TENM3: variants seen among roughly 807,000 people sequenced by gnomAD.
TENM3 encodes teneurin transmembrane protein 3.
Under a neutral mutation model 255.1 loss-of-function variants are expected in TENM3, and 63 were observed. That is an observed-to-expected ratio of 0.25 (90% CI 0.20 to 0.30). TENM3 has a LOEUF of 0.30. Ranked by LOEUF, TENM3 falls within the 10% of genes least tolerant of loss-of-function variation. The probability of loss-of-function intolerance (pLI) is 1.00; values close to 1 mark genes in which losing one functional copy is unlikely to be tolerated. For missense variants in TENM3, 2,929 were observed against 3,461.1 expected (o/e 0.85, Z 3.86); for synonymous variants, 1,306 against 1,322.3 (o/e 0.99, Z 0.27).
chr4:181,982,942 G>A, the TENM3 span, among the ~76,000 whole-genome samples: 1 of 152,072 alleles, frequency 6.6e-6, no homozygotes, highest in East Asian at 1.9e-4. Context: ...GTTGGGGGTC[G>A]ATAGGGTTGA....
chr4:182,071,211 G>C, the TENM3 span, among the ~76,000 whole-genome samples: 2 of 152,176 alleles, frequency 1.3e-5, no homozygotes, highest in Non-Finnish European at 2.9e-5. Flanking sequence ...ATTTGAGCCA[G>C]TGCCTGACAC....
chr4:181,628,212 C>T, the TENM3 span, among the ~76,000 whole-genome samples: 1 of 132,730 alleles, frequency 7.5e-6, no homozygotes, highest in Non-Finnish European at 1.8e-5. Flanking sequence ...TGTTTGAGTT[C>T]TTTGTAGATT....
the TENM3 span, among the ~76,000 whole-genome samples, chr4:181,619,932 T>A: frequency 6.6e-6 from 1 of 152,236 alleles, no homozygotes; most frequent in Non-Finnish European, 1.5e-5. Flanking sequence ...TTTGACATCC[T>A]AACCTGGCAA....
intron 22 of TENM3, among the ~76,000 whole-genome samples, chr4:182,771,864 A>G (rs769382392): frequency 3.3e-5 from 5 of 152,160 alleles, no homozygotes; most frequent in Non-Finnish European, 7.3e-5. Flanking sequence ...AGTCTAAACA[A>G]TGATTCCACT....
intron 6 of TENM3, among the ~76,000 whole-genome samples, chr4:182,661,523 G>A (rs758027457): frequency 1.3e-5 from 2 of 152,144 alleles, no homozygotes; most frequent in African/African-American, 4.8e-5. Flanking sequence ...ATGTGTAATA[G>A]CTCCTTAATT....
At chr4:182,404,922 C>T (rs1030914673) in intron 3 of TENM3, among the ~76,000 whole-genome samples, 5 of 152,148 alleles carry the variant, frequency 3.3e-5, no homozygotes, top group African/African-American at 1.2e-4. Flanking sequence ...CCATCATCGC[C>T]GGTCACAGCG....
intron 24 of TENM3, among the ~76,000 whole-genome samples, chr4:182,787,843 G>T (rs10006225): frequency 0.075 from 11,219 of 149,940 alleles, 1,389 homozygotes; most frequent in African/African-American, 0.26. Context: ...CAACATCATT[G>T]CTTTTTAGCT....
the TENM3 span, among the ~76,000 whole-genome samples, chr4:181,718,977 C>T: frequency 2.0e-5 from 3 of 151,850 alleles, no homozygotes; most frequent in Admixed American, 6.6e-5. Flanking sequence ...GAGGCCGAGG[C>T]GGGTGGATCA....
chr4:182,789,133 C>G lies in TENM3; in HGVS notation c.5345C>G (p.Thr1782Arg). 1.2e-6 allele frequency: 2 copies of G among 1,611,250 alleles called. No homozygotes were observed. Among genetic ancestry groups the G allele is most frequent in the Non-Finnish European group, 1.7e-6 (2 of 1,178,058 alleles). Residue 1782 changes from threonine (T) to arginine (R), a missense_variant, in exon 25 of 28, where the codon ACA becomes AGA. Thr to Arg is a moderately conservative substitution (Grantham distance 71). This residue lies in a region of TENM3 where 303 missense variants were observed against 425.2 expected (regional missense o/e 0.71). Transcript: ENST00000511685. This position sits in a 1 kb window ranked among gnomAD's most constrained non-coding sequence, Gnocchi z 4.4. ...CTCCTTTCAGTTGACTTTGATCGAA[C>G]AACAAAGACAGAAAAGATCTATGAC... ...RNLLSVDFDR[T>R]TKTEKIYDDH... is the part of the protein sequence containing the mutation.
At chr4:182,304,769 C>T (rs780994052) in intron 1 of TENM3, among the ~76,000 whole-genome samples, 15 of 152,068 alleles carry the variant, frequency 9.9e-5, no homozygotes, top group Non-Finnish European at 2.2e-4. Context: ...GAATCTGAAA[C>T]GGGAATGACA....
chr4:181,586,462 G>A, the TENM3 span, among the ~76,000 whole-genome samples: 1 of 152,122 alleles, frequency 6.6e-6, no homozygotes, highest in Non-Finnish European at 1.5e-5. Flanking sequence ...GGGAAGAGAC[G>A]ACGACCAGGC....
At chr4:182,483,356 A>G (rs1237212639) in intron 3 of TENM3, among the ~76,000 whole-genome samples, 1 of 152,160 alleles carries the variant, frequency 6.6e-6, no homozygotes, top group East Asian at 1.9e-4. Context: ...CCAGCACTTT[A>G]TGCCATATTG....
chr4:182,268,462 G>A (rs1759387791), intron 1 of TENM3, among the ~76,000 whole-genome samples: 1 of 152,064 alleles, frequency 6.6e-6, no homozygotes, highest in African/African-American at 2.4e-5. Flanking sequence ...ATAAAAGGGA[G>A]GGGGGAAATG....
chr4:181,818,607 A>G, the TENM3 span, among the ~76,000 whole-genome samples: 1 of 132,996 alleles, frequency 7.5e-6, no homozygotes, highest in Non-Finnish European at 1.6e-5. Context: ...GGTGCAGTAA[A>G]TCTCTTTTTT....
the TENM3 span, among the ~76,000 whole-genome samples, chr4:181,959,892 T>C: frequency 6.6e-6 from 1 of 152,198 alleles, no homozygotes; most frequent in African/African-American, 2.4e-5. Flanking sequence ...GCCTATATCC[T>C]AAAATAGGGG....
intron 3 of TENM3, among the ~76,000 whole-genome samples, chr4:182,402,918 A>T (rs1397702726): frequency 6.6e-6 from 1 of 152,240 alleles, no homozygotes; most frequent in Non-Finnish European, 1.5e-5. Context: ...TCTGACAAAT[A>T]TGATTTGAGA....
the TENM3 span, among the ~76,000 whole-genome samples, chr4:181,601,532 G>A: frequency 6.6e-6 from 1 of 151,908 alleles, no homozygotes. Flanking sequence ...ATGTCCTAAT[G>A]TCCTCTTCTT....
At chr4:181,711,037 G>A in the TENM3 span, among the ~76,000 whole-genome samples, 6 of 151,910 alleles carry the variant, frequency 3.9e-5, no homozygotes, top group Non-Finnish European at 5.9e-5. Flanking sequence ...CTCACCATTC[G>A]CACTAGACCT....
At chr4:182,612,027 G>A (rs1448739048) in intron 4 of TENM3, among the ~76,000 whole-genome samples, 1 of 151,956 alleles carries the variant, frequency 6.6e-6, no homozygotes, top group African/African-American at 2.4e-5. Flanking sequence ...CAGCATTTTG[G>A]GAGGTCAAGG....
Sources: allele counts gnomAD v4.1 joint callset (sites outside exome capture counted in the v4.1 genomes callset), GRCh38; gene constraint gnomAD v4.1.1; regional missense constraint gnomAD v4.1.1; non-coding constraint Gnocchi (gnomAD v3.1); transcripts MANE v1.5; gene names NCBI Gene and HGNC (gene_info 2026-07-23, HGNC 2026-07-21).